Variants in RALGAPA2 observed in about 807,000 individuals in gnomAD.
RALGAPA2 encodes Ral GTPase activating protein catalytic subunit alpha 2, also known as ral GTPase-activating protein subunit alpha-2.
In RALGAPA2, 139 loss-of-function variants were observed where a neutral mutation model predicts 230.4. The ratio of observed to expected loss-of-function variants is 0.60; its 90% CI spans 0.53 to 0.69. RALGAPA2 has a LOEUF of 0.69. Among genes scored for constraint, RALGAPA2 ranks in the 30% least tolerant of loss-of-function variants. The pLI is 0.00. For missense variants in RALGAPA2, 2,163 were observed against 2,276.0 expected, an observed-to-expected ratio of 0.95 and a Z score of 1.01; for synonymous variants, 847 against 837.8, an observed-to-expected ratio of 1.01 and a Z score of -0.19.
intron 37 of RALGAPA2, among the ~76,000 whole-genome samples, chr20:20,462,293 C>G (rs1383315776): frequency 1.3e-5 from 2 of 152,168 alleles, no homozygotes; most frequent in African/African-American, 4.8e-5. Flanking sequence ...GACATGCTAT[C>G]CTACTAGAAA....
chr20:20,621,667 A>G (rs1011586261), intron 10 of RALGAPA2, among the ~76,000 whole-genome samples: 1 of 152,232 alleles, frequency 6.6e-6, no homozygotes, highest in Non-Finnish European at 1.5e-5. Context: ...ACATTAAGGA[A>G]TTCCCTTATA....
chr20:20,501,203 T>C (rs540026581), intron 35 of RALGAPA2, among the ~76,000 whole-genome samples: 13 of 152,218 alleles, frequency 8.5e-5, no homozygotes, highest in Admixed American at 2.0e-4. Flanking sequence ...TTTGAAGCTT[T>C]GAAACCAAAC....
intron 10 of RALGAPA2, among the ~76,000 whole-genome samples, chr20:20,621,552 A>T (rs1289495581): frequency 6.8e-6 from 1 of 147,648 alleles, no homozygotes; most frequent in Non-Finnish European, 1.5e-5. Flanking sequence ...GATATCATAT[A>T]TATCAGGTTT....
At chr20:20,429,977 T>C (rs1368220216) in intron 37 of RALGAPA2, among the ~76,000 whole-genome samples, 1 of 152,266 alleles carries the variant, frequency 6.6e-6, no homozygotes, top group Non-Finnish European at 1.5e-5. Flanking sequence ...TGATATTTCA[T>C]GTGTCATCAC....
At chr20:20,668,961 A>C (rs2068046578) in intron 3 of RALGAPA2, among the ~76,000 whole-genome samples, 1 of 152,234 alleles carries the variant, frequency 6.6e-6, no homozygotes, top group Non-Finnish European at 1.5e-5. Flanking sequence ...TACAGACTAT[A>C]AAGAACTCAT....
intron 23 of RALGAPA2, among the ~76,000 whole-genome samples, chr20:20,568,068 C>T (rs1307592524): frequency 6.6e-6 from 1 of 152,040 alleles, no homozygotes; most frequent in Non-Finnish European, 1.5e-5. Flanking sequence ...CACAAAGCAG[C>T]TGAGCAGAGG....
intron 1 of RALGAPA2, among the ~76,000 whole-genome samples, chr20:20,691,131 T>G (rs756760219): frequency 5.9e-5 from 9 of 152,126 alleles, no homozygotes; most frequent in Non-Finnish European, 1.2e-4. Flanking sequence ...AGAAATCCAC[T>G]CTCTCGTCAC....
rs78227235 is a variant in RALGAPA2 at position 20,506,174 on chromosome 20, C to A, written c.4929-640G>T. On this transcript the variant is annotated intron_variant, in intron 33 of 39. Coordinates refer to ENST00000202677, the MANE Select transcript of RALGAPA2 (RefSeq NM_020343.4). The stretch of plus-strand genomic sequence containing the variant: ...AGGGTGGATAGCTATTTAGTGGAAC[C>A]CCTTTTAGCCATATAAACCCTTCAT... Among the ~76,000 whole-genome samples the A allele has an allele frequency of 6.3e-3, 960 of 152,014 alleles. 8 individuals carry two copies. Among genetic ancestry groups the A allele is most frequent in the African/African-American group, 0.022 (911 of 41,480 alleles).
intron 27 of RALGAPA2, among the ~76,000 whole-genome samples, chr20:20,529,285 G>T (rs746270208): frequency 1.0e-3 from 157 of 152,170 alleles, no homozygotes; most frequent in Non-Finnish European, 1.6e-3. Context: ...TATCCAGAGG[G>T]GGGAGGATTC....
chr20:20,488,264 A>AT (rs1451764889), intron 36 of RALGAPA2, among the ~76,000 whole-genome samples: 1 of 152,052 alleles, frequency 6.6e-6, no homozygotes, highest in East Asian at 1.9e-4. Flanking sequence ...CAAAGAGGGG[A>AT]TTTTCCTCCA....
chr20:20,655,427 C>T (rs2067555659), intron 3 of RALGAPA2, among the ~76,000 whole-genome samples: 1 of 151,966 alleles, frequency 6.6e-6, no homozygotes, highest in African/African-American at 2.4e-5. Flanking sequence ...GGAATGCTTC[C>T]TGGAAATGAG....
chr20:20,542,199 C>T (rs1396764821), intron 24 of RALGAPA2, among the ~76,000 whole-genome samples: 1 of 152,124 alleles, frequency 6.6e-6, no homozygotes, highest in Non-Finnish European at 1.5e-5. Flanking sequence ...ATACAACTTA[C>T]AAGGGATGTG....
In RALGAPA2 at chr20:20,641,903, T is replaced by C. The variant is rs372996094; in HGVS notation, c.373-1025A>G. ...ATAAAAATATTCTGCTTTCTCCCAA[T>C]AGAAGCCAAAATACACTAGGACAGA... On this transcript the variant is annotated intron_variant, in intron 5 of 39. Coordinates refer to ENST00000202677, the MANE Select transcript of RALGAPA2 (RefSeq NM_020343.4). Among the ~76,000 whole-genome samples the C allele has an allele frequency of 2.6e-5, 4 of 151,688 alleles. 1 individual carries two copies. Among genetic ancestry groups the C allele is most frequent in the African/African-American group, 4.8e-5 (2 of 41,348 alleles).
chr20:20,532,505 G>A lies in RALGAPA2; in HGVS notation c.3474-710C>T, dbSNP rs112444516. ...CTCTAAATTTCTGAACTGAAAACCT[G>A]GGGGAATGGTGGGGCCATGTGGTGA... On this transcript the variant is annotated intron_variant, in intron 26 of 39. Transcript: ENST00000202677. Among the ~76,000 whole-genome samples the A allele has an allele frequency of 3.6e-3, 550 of 152,272 alleles. 5 individuals are homozygous for A. The highest frequency in any genetic ancestry group is 0.013 in the African/African-American group (538 of 41,538).
intron 1 of RALGAPA2, among the ~76,000 whole-genome samples, chr20:20,710,113 G>A (rs1456656005): frequency 1.3e-5 from 2 of 152,140 alleles, no homozygotes; most frequent in African/African-American, 4.8e-5. Context: ...CAGGCGGCAG[G>A]GACAGGCTGC....
chr20:20,420,891 A>G (rs938927430), intron 37 of RALGAPA2, among the ~76,000 whole-genome samples: 1 of 152,218 alleles, frequency 6.6e-6, no homozygotes, highest in African/African-American at 2.4e-5. Flanking sequence ...AAACTAGGAA[A>G]TTAATTAGCT....
At chr20:20,411,309 C>T (rs1201097730) in intron 38 of RALGAPA2, among the ~76,000 whole-genome samples, 1 of 152,128 alleles carries the variant, frequency 6.6e-6, no homozygotes, top group Non-Finnish European at 1.5e-5. Flanking sequence ...TTGAAAGAAA[C>T]ACACAGTAAT....
At chr20:20,656,081 G>C (rs542018459) in intron 3 of RALGAPA2, among the ~76,000 whole-genome samples, 81 of 152,316 alleles carry the variant, frequency 5.3e-4, no homozygotes, top group African/African-American at 1.7e-3. Flanking sequence ...GACGGTAACA[G>C]ATATGGGCAG....
intron 10 of RALGAPA2, among the ~76,000 whole-genome samples, chr20:20,625,226 C>T (rs1452128287): frequency 6.6e-6 from 1 of 152,178 alleles, no homozygotes; most frequent in Non-Finnish European, 1.5e-5. Context: ...AGCCTGCTTT[C>T]TGTCTGTTTA....
Sources: gnomAD v4.1 joint callset for allele counts (sites outside exome capture counted in the v4.1 genomes callset) on GRCh38, gnomAD v4.1.1 for gene constraint, MANE v1.5 for transcripts, NCBI Gene and HGNC (gene_info 2026-07-23, HGNC 2026-07-21) for gene names.